NELL2: variants seen among roughly 807,000 people sequenced by gnomAD.
NELL2 encodes neural EGFL like 2.
Under a neutral mutation model 109.6 loss-of-function variants are expected in NELL2, and 41 were observed. That is an observed-to-expected ratio of 0.37 (90% confidence interval 0.29 to 0.49). NELL2 has a LOEUF of 0.49. NELL2 is among the 20% of genes least tolerant of loss of function. NELL2 has a pLI of 0.98. For synonymous variants in NELL2, 355 were observed against 344.7 expected, an observed-to-expected ratio of 1.03 and a Z score of -0.33; for missense variants, 900 against 1,008.3, an observed-to-expected ratio of 0.89 and a Z score of 1.45.
chr12:44,708,633 A>G (rs2136430402), intron 11 of NELL2, among the ~76,000 whole-genome samples: 1 of 152,334 alleles, frequency 6.6e-6, no homozygotes, highest in East Asian at 1.9e-4. Context: ...TTTATTTCAC[A>G]TATTTGAATC....
At chr12:44,852,667 A>G (rs1157892237) in intron 2 of NELL2, among the ~76,000 whole-genome samples, 2 of 152,210 alleles carry the variant, frequency 1.3e-5, no homozygotes, top group African/African-American at 4.8e-5. Flanking sequence ...TTGCTGACCA[A>G]AATAACAAAA....
chr12:44,583,710 A>G (rs1299431351), intron 15 of NELL2, among the ~76,000 whole-genome samples: 1 of 152,234 alleles, frequency 6.6e-6, no homozygotes, highest in Non-Finnish European at 1.5e-5. Context: ...GAAAATGCTT[A>G]AAGTGTTTAA....
At chr12:44,789,085 A>G (rs1232425636) in intron 3 of NELL2, among the ~76,000 whole-genome samples, 2 of 152,118 alleles carry the variant, frequency 1.3e-5, no homozygotes, top group Non-Finnish European at 2.9e-5. Context: ...CTGAAGACAA[A>G]GGACATATAC....
In NELL2 at chr12:44,818,442, GA is replaced by G. The variant is rs1943425779; in HGVS notation, c.185-2307del. Among the ~76,000 whole-genome samples, 4 of 152,196 alleles carry G rather than the reference GA, an allele frequency of 2.6e-5. No individual in the cohort carries two copies. In the South Asian group the frequency reaches 8.3e-4, roughly 31 times the overall value. On this transcript the variant is annotated intron_variant, in intron 2 of 19. Transcript: ENST00000429094. ...TGGGGGTGCAAATGAGAGAAATGGA[GA>G]AAGGATTACAGTGAATACACAAATG...
intron 13 of NELL2, among the ~76,000 whole-genome samples, chr12:44,649,390 G>T (rs191955822): frequency 1.3e-3 from 204 of 152,294 alleles, no homozygotes; most frequent in African/African-American, 4.7e-3. Context: ...CCATCAACCT[G>T]CTGCCACTTG....
At chr12:44,560,162 G>A (rs1488766902) in intron 15 of NELL2, among the ~76,000 whole-genome samples, 1 of 152,080 alleles carries the variant, frequency 6.6e-6, no homozygotes, top group Non-Finnish European at 1.5e-5. Context: ...AGAATCTCTG[G>A]GACACAGCTA....
intron 2 of NELL2, among the ~76,000 whole-genome samples, chr12:44,865,458 A>G (rs1592677224): frequency 1.0e-5 from 1 of 97,068 alleles, no homozygotes; most frequent in East Asian, 3.0e-4. Flanking sequence ...TGTGGCACAT[A>G]TACACCATGG....
chr12:44,839,071 C>T (rs572134432), intron 2 of NELL2, among the ~76,000 whole-genome samples: 6 of 152,308 alleles, frequency 3.9e-5, no homozygotes, highest in East Asian at 1.9e-4. Flanking sequence ...TCCCCGCGCA[C>T]GCTTCAATCT....
chr12:44,750,037 A>G (rs1421328765), intron 9 of NELL2, among the ~76,000 whole-genome samples: 1 of 152,096 alleles, frequency 6.6e-6, no homozygotes, highest in Non-Finnish European at 1.5e-5. Context: ...AAGAGAGGGA[A>G]CATATAAAAA....
chr12:44,890,724 T>A (rs1489345939), intron 1 of NELL2, among the ~76,000 whole-genome samples: 2 of 151,554 alleles, frequency 1.3e-5, no homozygotes, highest in East Asian at 2.0e-4. Context: ...TTTATTTTTT[T>A]ATTTTATTTT....
intron 3 of NELL2, among the ~76,000 whole-genome samples, chr12:44,815,026 A>G (rs547099346): frequency 6.6e-6 from 1 of 152,330 alleles, no homozygotes; most frequent in Admixed American, 6.5e-5. Context: ...AAATTGAGAT[A>G]CAGATCTTAG....
intron 13 of NELL2, among the ~76,000 whole-genome samples, chr12:44,645,884 T>G (rs914855094): frequency 6.6e-5 from 10 of 152,146 alleles, no homozygotes; most frequent in Non-Finnish European, 1.2e-4. Flanking sequence ...TATAGTATAT[T>G]ATACTCTTTT....
Position 44,629,550 on chromosome 12 carries a change from T to C in NELL2, c.1445-18580A>G, listed in dbSNP as rs1019533731. Among the ~76,000 whole-genome samples, 5 of 152,300 alleles carry C rather than the reference T, an allele frequency of 3.3e-5. No individual in the cohort carries two copies. In the South Asian group the frequency reaches 1.0e-3, roughly 32 times the overall value. ...ATGCTATCCTTACAGTCATATCTAT[T>C]AAGCCAAAGTCTTCATGGATAGACT... On this transcript the variant is annotated intron_variant, in intron 13 of 19. Transcript: ENST00000429094.
At chr12:44,909,824 A>G (rs1315657052) in intron 1 of NELL2, among the ~76,000 whole-genome samples, 1 of 151,632 alleles carries the variant, frequency 6.6e-6, no homozygotes, top group African/African-American at 2.4e-5. Context: ...AGATAAAGCT[A>G]CACACAATAC....
At chr12:44,786,191 C>A (rs969039578) in intron 3 of NELL2, among the ~76,000 whole-genome samples, 1 of 151,854 alleles carries the variant, frequency 6.6e-6, no homozygotes, top group Non-Finnish European at 1.5e-5. Context: ...AGAAAAAAAA[C>A]AAACAGCCCC....
chr12:44,634,004 C>A (rs987099175), intron 13 of NELL2, among the ~76,000 whole-genome samples: 1 of 152,024 alleles, frequency 6.6e-6, no homozygotes, highest in African/African-American at 2.4e-5. Context: ...TTTTAATTGA[C>A]CACATTTTTT....
chr12:44,526,072 G>C (rs917109711), intron 16 of NELL2, among the ~76,000 whole-genome samples: 4 of 152,010 alleles, frequency 2.6e-5, no homozygotes, highest in East Asian at 1.9e-4. Flanking sequence ...AGCTACTCAG[G>C]GCCCAGGTAA....
At chr12:44,595,840 G>A (rs980163122) in intron 15 of NELL2, among the ~76,000 whole-genome samples, 1 of 152,054 alleles carries the variant, frequency 6.6e-6, no homozygotes, top group East Asian at 1.9e-4. Context: ...TGAGAAAATC[G>A]GCAATGGAAA....
At chr12:44,779,514 A>G in intron 5 of NELL2, 149 bp downstream of exon 5, 2 of 643,366 alleles carry the variant, frequency 3.1e-6, no homozygotes, top group Non-Finnish European at 2.7e-6. Context: ...GCTGGCTAAA[A>G]TATTACTGTT....
Sources: gnomAD v4.1 joint callset for allele counts (sites outside exome capture counted in the v4.1 genomes callset) on GRCh38, gnomAD v4.1.1 for gene constraint, MANE v1.5 for transcripts, NCBI Gene and HGNC (gene_info 2026-07-23, HGNC 2026-07-21) for gene names.